The following ZNF658 variants were observed in gnomAD, a reference collection of about 807,000 sequenced individuals.
The protein encoded by ZNF658 is zinc finger protein 658.
Under a neutral mutation model 78.0 loss-of-function variants are expected in ZNF658, and 46 were observed. That is an observed-to-expected ratio of 0.59 (90% CI 0.47 to 0.75). The LOEUF (loss-of-function observed/expected upper bound fraction) is 0.75, where lower values mean the gene tolerates loss of function less well. Among genes scored for constraint, ZNF658 ranks in the 30% least tolerant of loss-of-function variants. The pLI is 0.00. For synonymous variants in ZNF658, 279 were observed against 408.4 expected, an observed-to-expected ratio of 0.68 and a Z score of 3.82; for missense variants, 785 against 1,189.3, an observed-to-expected ratio of 0.66 and a Z score of 5.00.
rs146840095 is a variant in ZNF658, at chr9:66,909,675, C to T, written c.238+941C>T. ...TTCTAAATGCAGCATTTTTCCGTTC[C>T]TAACAACAGCATATGGGGGTTCTGA... is the stretch of plus-strand genomic sequence containing the variant. On this transcript the variant is annotated intron_variant, in intron 4 of 4. Coordinates refer to ENST00000621410, the MANE Select transcript of ZNF658 (RefSeq NM_033160.7). Among the ~76,000 whole-genome samples the T allele has an allele frequency of 1.2e-3, 190 of 152,246 alleles. 4 individuals carry two copies. The Middle Eastern group carries it at 0.062, about 49-fold the overall frequency.
At chr9:66,923,985 C>CA (rs1255954675), downstream of ZNF658, among the ~76,000 whole-genome samples, 1 of 147,248 alleles carries the variant, frequency 6.8e-6, no homozygotes, top group African/African-American at 2.5e-5. Context: ...CACGTCTCTA[C>CA]AAAAAATACA....
In ZNF658 at chr9:66,918,294, GTAAGGA is replaced by G. The variant is rs1210088637; in HGVS notation, c.730_735del (p.Lys244_Asp245del). 1.2e-6 allele frequency: 2 copies of G among 1,613,824 alleles called. No individual in the cohort carries two copies. The highest frequency in any genetic ancestry group is 2.2e-5 in the South Asian group (2 of 91,054). The stretch of plus-strand genomic sequence containing the variant: ...AGTTTTCTAACAGGAGAAAAGTCCT[GTAAGGA>G]TGATGAATTTAGAAAAAACTTTGAT... On this transcript the variant is annotated inframe_deletion, in exon 5 of 5. Transcript: ENST00000621410.
At chr9:66,907,906 C>T (rs1052523023) in intron 2 of ZNF658, among the ~76,000 whole-genome samples, 1 of 151,310 alleles carries the variant, frequency 6.6e-6, no homozygotes, top group African/African-American at 2.4e-5. Flanking sequence ...CCAGAATTTA[C>T]AGTGATGATG....
At chr9:66,911,777 T>C (rs1822218342) in intron 4 of ZNF658, among the ~76,000 whole-genome samples, 1 of 81,400 alleles carries the variant, frequency 1.2e-5, no homozygotes, top group South Asian at 3.3e-4. Flanking sequence ...ATTGAGGCTT[T>C]ATGTAAAGTG....
intron 4 of ZNF658, among the ~76,000 whole-genome samples, chr9:66,915,479 A>G (rs1822314732): frequency 6.6e-6 from 1 of 151,060 alleles, no homozygotes; most frequent in East Asian, 2.0e-4. Context: ...CCATGTAAGG[A>G]TATAACAAGA....
At chr9:66,928,696 C>T (rs1211020900) in intron 6 of ZNF658, among the ~76,000 whole-genome samples, 2 of 129,114 alleles carry the variant, frequency 1.5e-5, no homozygotes, top group African/African-American at 6.0e-5. Flanking sequence ...ACTAAAAATA[C>T]AAAAAAAAAA....
Position 66,920,296 on chromosome 9 carries a change from T to C in ZNF658, c.2730T>C (p.Tyr910=). The change falls in exon 5 of 5, where the codon TAT becomes TAC. Residue 910 remains tyrosine (Y), a synonymous_variant. Coordinates refer to ENST00000621410, the MANE Select transcript of ZNF658 (RefSeq NM_033160.7). The part of the protein sequence containing the change: ...HLRTRSGEKP[Y]ECSECGKTFS... ...GAACTCGCTCAGGGGAGAAACCCTA[T>C]GAATGCAGTGAATGTGGGAAAACCT... 1.2e-6 allele frequency: 2 copies of C among 1,613,944 alleles called. No homozygotes were observed. Among genetic ancestry groups the C allele is most frequent in the Non-Finnish European group, 1.7e-6 (2 of 1,179,938 alleles).
In ZNF658 at chr9:66,918,291, C is replaced by G. The variant is rs781249824; in HGVS notation, c.725C>G (p.Ser242Cys). The G allele has an allele frequency of 2.0e-5, 32 of 1,613,560 alleles. 1 individual carries two copies. The highest frequency in any genetic ancestry group is 2.7e-5 in the African/African-American group (2 of 74,864). ...TPQSFLTGEK[S>C]CKDDEFRKNF... The stretch of plus-strand genomic sequence containing the variant: ...CAGAGTTTTCTAACAGGAGAAAAGT[C>G]CTGTAAGGATGATGAATTTAGAAAA... Residue 242 changes from serine to cysteine, a missense_variant, in exon 5 of 5, where the codon TCC (serine) becomes TGC (cysteine). This residue lies in a region of ZNF658 where 393 missense variants were observed against 400.2 expected (regional missense o/e 0.98). Transcript: ENST00000621410.
Position 66,908,747 on chromosome 9 carries a change from T to C in ZNF658, c.238+13T>C. 1 of 1,609,952 alleles carries C rather than the reference T, an allele frequency of 6.2e-7. No individual in the cohort carries two copies. Among genetic ancestry groups the C allele is most frequent in the Non-Finnish European group, 8.5e-7 (1 of 1,178,500 alleles). On this transcript the variant is annotated intron_variant, in intron 4 of 4. Transcript: ENST00000621410. ...CAGAGGTACCCAGGTGAGTGGGCAT[T>C]AACAGAAGGAGCCCCCTGGGGGTAC...
At chr9:66,904,337 C>T (rs1167275467) in intron 2 of ZNF658, among the ~76,000 whole-genome samples, 2 of 151,880 alleles carry the variant, frequency 1.3e-5, no homozygotes, top group East Asian at 3.9e-4. Context: ...CTCAATGTCT[C>T]ACTCTGTCCT....
chr9:66,931,611 T>A (rs1242705254), intron 6 of ZNF658, among the ~76,000 whole-genome samples: 1 of 148,732 alleles, frequency 6.7e-6, no homozygotes, highest in Non-Finnish European at 1.5e-5. Flanking sequence ...GTACCTTTTT[T>A]TCTTTTTGCA....
chr9:66,918,296 A>T lies in ZNF658; in HGVS notation c.730A>T (p.Lys244Ter), dbSNP rs755236103. ...QSFLTGEKSC[K>*]DDEFRKNFDK... ...TTTTCTAACAGGAGAAAAGTCCTGT[A>T]AGGATGATGAATTTAGAAAAAACTT... Residue 244 changes from lysine to a stop codon, truncating the protein, a stop_gained, in exon 5 of 5, where the codon AAG becomes TAG. Transcript: ENST00000621410. LOFTEE classifies it high-confidence loss of function. The T allele has an allele frequency of 5.6e-6, 9 of 1,613,740 alleles. No individual in the cohort carries two copies. In the East Asian group the frequency reaches 2.0e-4, roughly 36 times the overall value.
At chr9:66,913,612 C>G (rs1822266341) in intron 4 of ZNF658, among the ~76,000 whole-genome samples, 1 of 151,894 alleles carries the variant, frequency 6.6e-6, no homozygotes, top group Non-Finnish European at 1.5e-5. Context: ...TACTAGTTTT[C>G]TTTTACAGAA....
At chr9:66,925,603 C>A (rs1363872522), downstream of ZNF658, among the ~76,000 whole-genome samples, 6 of 151,970 alleles carry the variant, frequency 3.9e-5, no homozygotes, top group African/African-American at 1.4e-4. Context: ...ATAAAAAAAA[C>A]TCCCAACAAA....
At chr9:66,929,112 A>G (rs1308090198) in intron 6 of ZNF658, among the ~76,000 whole-genome samples, 2 of 152,116 alleles carry the variant, frequency 1.3e-5, no homozygotes, top group Admixed American at 6.6e-5. Context: ...GTTTAAACTC[A>G]GTAAAAATGA....
At chr9:66,921,896 A>G (rs1051555817), downstream of ZNF658, among the ~76,000 whole-genome samples, 2 of 148,504 alleles carry the variant, frequency 1.3e-5, no homozygotes, top group African/African-American at 5.0e-5. Context: ...AGGGACATTT[A>G]AGTCTGCAGA....
At chr9:66,927,763 C>T (rs1822599926) in intron 6 of ZNF658, among the ~76,000 whole-genome samples, 1 of 149,798 alleles carries the variant, frequency 6.7e-6, no homozygotes, top group African/African-American at 2.5e-5. Flanking sequence ...AAGACAAATC[C>T]CGTATAATTT....
intron 6 of ZNF658, among the ~76,000 whole-genome samples, chr9:66,928,819 G>A (rs1369755726): frequency 6.7e-6 from 1 of 148,962 alleles, no homozygotes; most frequent in Non-Finnish European, 1.5e-5. Flanking sequence ...AGGAGTGGAA[G>A]AGAAGGCTTG....
chr9:66,901,787 TAAA>T (rs1396903931), intron 1 of ZNF658, among the ~76,000 whole-genome samples: 1 of 150,744 alleles, frequency 6.6e-6, no homozygotes, highest in South Asian at 2.1e-4. Context: ...TCTACAAAAA[TAAA>T]AAAATTAGCC....
Sources: allele counts gnomAD v4.1 joint callset (sites outside exome capture counted in the v4.1 genomes callset), GRCh38; gene constraint gnomAD v4.1.1; regional missense constraint gnomAD v4.1.1; transcripts MANE v1.5; gene names NCBI Gene and HGNC (gene_info 2026-07-23, HGNC 2026-07-21).